Variants in COG6 observed in about 807,000 individuals in gnomAD.
COG6 encodes the protein conserved oligomeric Golgi complex subunit 6.
COG6 carries 74 observed loss-of-function variants against 88.8 expected under a neutral mutation model. The ratio of observed to expected loss-of-function variants is 0.83; its 90% confidence interval spans 0.69 to 1.01. The LOEUF (loss-of-function observed/expected upper bound fraction) is 1.01, where lower values mean the gene tolerates loss of function less well. Among genes scored for constraint, COG6 ranks in the 50% least tolerant of loss-of-function variants. The probability of loss-of-function intolerance (pLI) is 0.00; values close to 1 mark genes in which losing one functional copy is unlikely to be tolerated. For missense variants in COG6, 800 were observed against 797.9 expected (o/e 1.00, Z -0.03); for synonymous variants, 286 against 278.7 (o/e 1.03, Z -0.26).
chr13:39,663,993 T>C (rs903122437), intron 3 of COG6: 2 of 154,558 alleles, frequency 1.3e-5, no homozygotes, highest in Admixed American at 1.3e-4. Flanking sequence ...ATAGCTTCAT[T>C]TGAGGTGGCA....
At chr13:39,706,673 T>A (rs7994943) in intron 13 of COG6, among the ~76,000 whole-genome samples, 43,638 of 151,872 alleles carry the variant, frequency 0.29, 6,620 homozygotes, top group Non-Finnish European at 0.33. Context: ...ATGCTTTTTT[T>A]AAAAAAATTA....
intron 18 of COG6, among the ~76,000 whole-genome samples, chr13:39,739,364 C>CAA (rs1264489920): frequency 6.6e-6 from 1 of 151,834 alleles, no homozygotes; most frequent in Admixed American, 6.6e-5. Flanking sequence ...ATGCCCTTTA[C>CAA]AAGAGACCAT....
intron 8 of COG6, among the ~76,000 whole-genome samples, chr13:39,684,243 ATTTTTTTTTTT>A (rs1203671335): frequency 9.2e-4 from 62 of 67,384 alleles, no homozygotes; most frequent in African/African-American, 3.3e-3. Flanking sequence ...AATTTGGAAG[ATTTTTTTTTTT>A]TTTTTTTTTT....
rs1566176279 is a variant in COG6, at chr13:39,679,528, AAT to A, written c.541-9_541-8del. 6.7e-7 allele frequency: 1 copy of A among 1,484,596 alleles called. No individual in the cohort carries two copies. The highest frequency in any genetic ancestry group is 1.4e-5 in the African/African-American group (1 of 72,442). 92.0% of individuals were successfully genotyped at this position (1,484,596 alleles called of 1,614,324 possible). A position where few individuals can be genotyped will look rare whatever the true frequency, so the allele number is the denominator to read the frequency against. ...AGCATGGACATAAAGTCACATTCTT[AAT>A]TTTAAAGGATTTTTTCAAGGCACTG... On this transcript the variant is annotated splice_region_variant and splice_polypyrimidine_tract_variant and intron_variant, in intron 5 of 18. Transcript: ENST00000455146.
intron 18 of COG6, among the ~76,000 whole-genome samples, chr13:39,785,897 T>C (rs1160032573): frequency 6.6e-6 from 1 of 152,118 alleles, no homozygotes; most frequent in Non-Finnish European, 1.5e-5. Flanking sequence ...TCCACTTTGC[T>C]CAGCTTTGGG....
At chr13:39,709,032 T>G (rs998122372) in intron 13 of COG6, among the ~76,000 whole-genome samples, 3 of 152,166 alleles carry the variant, frequency 2.0e-5, no homozygotes, top group African/African-American at 7.2e-5. Flanking sequence ...GGAGAAATCC[T>G]GGGCTTTGGA....
chr13:39,660,778 A>G (rs773336676), intron 2 of COG6, 32 bp from the exon 3 acceptor site: 2 of 1,325,564 alleles, frequency 1.5e-6, no homozygotes, highest in Non-Finnish European at 2.2e-6. Flanking sequence ...TGCTGTATAT[A>G]TGATGTTTGA....
At chr13:39,761,675 GCAA>G (rs1388987046) in intron 18 of COG6, among the ~76,000 whole-genome samples, 1 of 150,942 alleles carries the variant, frequency 6.6e-6, no homozygotes, top group African/African-American at 2.4e-5. Context: ...AAACAACTGA[GCAA>G]CAACAACAAA....
rs527450124 is a variant in COG6, at chr13:39,661,631, ATTC to A, written c.369+753_369+755del. On this transcript the variant is annotated intron_variant, in intron 3 of 18. Coordinates refer to ENST00000455146, the MANE Select transcript of COG6 (RefSeq NM_020751.3). The stretch of plus-strand genomic sequence containing the variant: ...TTTCTGGTCTTGTCTAAATTTTGAT[ATTC>A]TTACTAATCTATCAGATATTATTGG... 8.1e-4 allele frequency among the ~76,000 whole-genome samples: 123 copies of A among 152,136 alleles called. 1 individual carries two copies. In the Middle Eastern group the frequency reaches 0.024, roughly 29 times the overall value.
At chr13:39,774,677 C>T (rs368067111) in intron 18 of COG6, among the ~76,000 whole-genome samples, 65 of 151,868 alleles carry the variant, frequency 4.3e-4, no homozygotes, top group African/African-American at 1.5e-3. Context: ...CGGGTTCAAG[C>T]GATTCTTCTG....
rs577759706 is a variant in COG6, at chr13:39,671,401, T to A, written c.429-6067T>A. ...TCCCCACCAATACAAAAGAGCTTTT[T>A]TTTTTCTTCCTTTTTTTTTGTGGGC... On this transcript the variant is annotated intron_variant, in intron 4 of 18. Coordinates refer to ENST00000455146, the MANE Select transcript of COG6 (RefSeq NM_020751.3). 1.1e-3 allele frequency among the ~76,000 whole-genome samples: 174 copies of A among 152,036 alleles called. 1 individual carries two copies. Among genetic ancestry groups the A allele is most frequent in the African/African-American group, 3.9e-3 (163 of 41,560 alleles).
intron 11 of COG6, among the ~76,000 whole-genome samples, chr13:39,691,521 T>C (rs1876978293): frequency 6.6e-6 from 1 of 151,992 alleles, no homozygotes; most frequent in Non-Finnish European, 1.5e-5. Context: ...ACTTCAAATC[T>C]TTCCATATGA....
At position 39,777,269 on chromosome 13, in the gene COG6, G is replaced by C. The variant is rs557964189; in HGVS notation, c.1827-11066G>C. Among the ~76,000 whole-genome samples the C allele has an allele frequency of 1.3e-5, 2 of 152,298 alleles. 1 individual carries two copies. The highest frequency in any genetic ancestry group is 6.8e-3 in the Middle Eastern group (2 of 294). ...ATTTTCAGAGTCATCCTGGAGCACA[G>C]AGGGGGGTGTCCACTCCAGCAGTGA... On this transcript the variant is annotated intron_variant, in intron 18 of 18. Coordinates refer to the COG6 transcript ENST00000416691.
intron 3 of COG6, among the ~76,000 whole-genome samples, chr13:39,662,174 G>A (rs1593405353): frequency 8.2e-6 from 1 of 122,620 alleles, no homozygotes; most frequent in Non-Finnish European, 1.6e-5. Flanking sequence ...ACAGAGTCTC[G>A]CTGTATCCTT....
intron 12 of COG6, among the ~76,000 whole-genome samples, chr13:39,697,135 CTG>C (rs1343690867): frequency 1.3e-5 from 2 of 151,216 alleles, no homozygotes; most frequent in East Asian, 3.9e-4. Flanking sequence ...TTTGATGTAT[CTG>C]TGAATATACA....
At chr13:39,787,105 AT>A (rs1198683731) in intron 18 of COG6, among the ~76,000 whole-genome samples, 4 of 152,048 alleles carry the variant, frequency 2.6e-5, no homozygotes, top group African/African-American at 9.7e-5. Flanking sequence ...GTCCCTCTTC[AT>A]TGTGAGATTG....
chr13:39,714,339 C>T (rs991395288), intron 13 of COG6, among the ~76,000 whole-genome samples: 3 of 149,830 alleles, frequency 2.0e-5, no homozygotes, highest in Non-Finnish European at 3.0e-5. Context: ...TCAGAGGAAA[C>T]ACACAACCCA....
chr13:39,700,073 A>C (rs1054551131), intron 13 of COG6, among the ~76,000 whole-genome samples: 4 of 151,920 alleles, frequency 2.6e-5, no homozygotes, highest in African/African-American at 9.7e-5. Flanking sequence ...AAGGAAAAAC[A>C]TCCCACAAAA....
chr13:39,687,812 A>G lies in COG6; in HGVS notation c.1009+13A>G, dbSNP rs1050276928. ...GTAACTACACAAGGTGGGTCCACCA[A>G]TTGTATTGCTAATGCCTAAATATAG... On this transcript the variant is annotated intron_variant, in intron 10 of 18. Coordinates refer to ENST00000455146, the MANE Select transcript of COG6 (RefSeq NM_020751.3). The G allele has an allele frequency of 3.9e-6, 6 of 1,550,564 alleles. No individual in the cohort carries two copies. The highest frequency in any genetic ancestry group is 1.4e-5 in the African/African-American group (1 of 73,480).
Sources: gnomAD v4.1 joint callset for allele counts (sites outside exome capture counted in the v4.1 genomes callset) on GRCh38, gnomAD v4.1.1 for gene constraint, MANE v1.5 for transcripts, NCBI Gene and HGNC (gene_info 2026-07-23, HGNC 2026-07-21) for gene names.